CHCHD6: variants seen among roughly 807,000 people sequenced by gnomAD.
The protein encoded by CHCHD6 is MICOS complex subunit MIC25.
In CHCHD6, 28 loss-of-function variants were observed where a neutral mutation model predicts 32.3. The ratio of observed to expected loss-of-function variants is 0.87; its 90% CI spans 0.64 to 1.19. CHCHD6 has a LOEUF of 1.19. Ranked by LOEUF, CHCHD6 falls within the 50% of genes most tolerant of loss-of-function variation. The pLI is 0.00. For missense variants in CHCHD6, 333 were observed against 307.0 expected, an observed-to-expected ratio of 1.08 and a Z score of -0.63; for synonymous variants, 122 against 117.5, an observed-to-expected ratio of 1.04 and a Z score of -0.25.
At chr3:126,921,040 C>T (rs2078239249) in intron 6 of CHCHD6, among the ~76,000 whole-genome samples, 1 of 152,066 alleles carries the variant, frequency 6.6e-6, no homozygotes, top group Non-Finnish European at 1.5e-5. Context: ...GAGGTCCTAA[C>T]TTAGTTTTTG....
At chr3:126,760,190 G>A (rs1937109482) in intron 4 of CHCHD6, among the ~76,000 whole-genome samples, 3 of 152,268 alleles carry the variant, frequency 2.0e-5, no homozygotes, top group South Asian at 4.2e-4. Flanking sequence ...ACTATATCAG[G>A]TACCTGTTCC....
Position 126,925,510 on chromosome 3 carries a change from A to G in CHCHD6, c.566+10760A>G, listed in dbSNP as rs189189623. Among the ~76,000 whole-genome samples, 469 of 152,338 alleles carry G rather than the reference A, an allele frequency of 3.1e-3. 2 individuals carry two copies. Among genetic ancestry groups the G allele is most frequent in the Admixed American group, 5.3e-3 (81 of 15,298 alleles). On this transcript the variant is annotated intron_variant, in intron 6 of 7. Transcript: ENST00000290913. Reference sequence around the variant, plus strand: ...TCATCTTCCTGTGTAAATGTTTAAGAAAAGCAGCCATGTCACTCTGCACTA... The same window carrying G: ...TCATCTTCCTGTGTAAATGTTTAAGGAAAGCAGCCATGTCACTCTGCACTA...
intron 4 of CHCHD6, among the ~76,000 whole-genome samples, chr3:126,835,535 C>T (rs1940820909): frequency 6.6e-6 from 1 of 151,990 alleles, no homozygotes; most frequent in African/African-American, 2.4e-5. Flanking sequence ...CTGGCCGGCT[C>T]TGCTCAGTTC....
At chr3:126,909,295 T>A (rs1346853871) in intron 5 of CHCHD6, among the ~76,000 whole-genome samples, 1 of 152,140 alleles carries the variant, frequency 6.6e-6, no homozygotes, top group African/African-American at 2.4e-5. Context: ...GTTATGGGGG[T>A]TCCCCTCAGA....
chr3:126,757,776 G>C (rs923928954), intron 4 of CHCHD6, among the ~76,000 whole-genome samples: 5 of 152,168 alleles, frequency 3.3e-5, no homozygotes, highest in African/African-American at 1.2e-4. Context: ...GTACCACAGA[G>C]CTCTGGGAGT....
chr3:126,712,625 G>A (rs1030931817), intron 1 of CHCHD6, among the ~76,000 whole-genome samples: 1 of 152,138 alleles, frequency 6.6e-6, no homozygotes, highest in Non-Finnish European at 1.5e-5. Context: ...CCTGCTCTCC[G>A]CAGTGGCACT....
chr3:126,727,785 A>G (rs1400400156), intron 2 of CHCHD6, among the ~76,000 whole-genome samples: 1 of 152,178 alleles, frequency 6.6e-6, no homozygotes, highest in Non-Finnish European at 1.5e-5. Flanking sequence ...GCGTGTTGCA[A>G]ATGAAGAAAT....
intron 6 of CHCHD6, among the ~76,000 whole-genome samples, chr3:126,925,851 A>G (rs2078316655): frequency 6.6e-6 from 1 of 152,202 alleles, no homozygotes; most frequent in Non-Finnish European, 1.5e-5. Context: ...ATTTTTTTAA[A>G]TCATCATTTC....
chr3:126,806,657 A>T (rs1268911554), intron 4 of CHCHD6, among the ~76,000 whole-genome samples: 19 of 152,156 alleles, frequency 1.2e-4, no homozygotes, highest in African/African-American at 2.4e-4. Flanking sequence ...TCAGGGATCT[A>T]GAACTAGAAA....
chr3:126,880,713 G>A (rs1273703852), intron 5 of CHCHD6, among the ~76,000 whole-genome samples: 3 of 152,148 alleles, frequency 2.0e-5, no homozygotes, highest in African/African-American at 7.2e-5. Context: ...TAAAAGCCCA[G>A]CAAGAGGCAT....
intron 6 of CHCHD6, among the ~76,000 whole-genome samples, chr3:126,938,299 A>G (rs2078512121): frequency 6.6e-6 from 1 of 152,204 alleles, no homozygotes; most frequent in African/African-American, 2.4e-5. Flanking sequence ...CCTGAGTTCC[A>G]GTTCCAGACC....
chr3:126,848,133 A>G (rs186197568), intron 4 of CHCHD6, among the ~76,000 whole-genome samples: 94 of 152,200 alleles, frequency 6.2e-4, no homozygotes, highest in Non-Finnish European at 1.1e-3. Flanking sequence ...ACCATAGCCA[A>G]CTAACTTTTT....
Position 126,879,092 on chromosome 3 carries a change from G to T in CHCHD6, c.495+26362G>T, listed in dbSNP as rs544330227. Reference sequence around the variant, plus strand: ...TGGCCTCTCTAGGCTTCCACATTATGTGGTGGCTAGATTCCAAAAGCATGT... The same window carrying T: ...TGGCCTCTCTAGGCTTCCACATTATTTGGTGGCTAGATTCCAAAAGCATGT... On this transcript the variant is annotated intron_variant, in intron 5 of 7. Transcript: ENST00000290913. Among the ~76,000 whole-genome samples, 6 of 152,368 alleles carry T rather than the reference G, an allele frequency of 3.9e-5. No individual in the cohort carries two copies. In the East Asian group the frequency reaches 9.6e-4, roughly 24 times the overall value.
chr3:126,869,369 T>C (rs1458977833), intron 5 of CHCHD6, among the ~76,000 whole-genome samples: 1 of 151,526 alleles, frequency 6.6e-6, no homozygotes, highest in Non-Finnish European at 1.5e-5. Flanking sequence ...ACATTATGAT[T>C]ATTTTTATTT....
chr3:126,864,749 T>C (rs1455425663), intron 5 of CHCHD6, among the ~76,000 whole-genome samples: 3 of 97,114 alleles, frequency 3.1e-5, no homozygotes, highest in Admixed American at 9.9e-5. Flanking sequence ...TCCACCATCA[T>C]CTACTCCTCC....
At chr3:126,822,622 T>A (rs1307063477) in intron 4 of CHCHD6, among the ~76,000 whole-genome samples, 1 of 152,250 alleles carries the variant, frequency 6.6e-6, no homozygotes, top group Non-Finnish European at 1.5e-5. Flanking sequence ...AGCTGAGATT[T>A]TGATAGGAAA....
chr3:126,914,570 G>T, intron 5 of CHCHD6, 110 bp from the exon 6 acceptor site: 1 of 739,428 alleles, frequency 1.4e-6, no homozygotes. Context: ...AGTCGGCTTT[G>T]ATGCCCGTCA....
chr3:126,957,320 T>C, intron 6 of CHCHD6, 96 bp from the exon 7 acceptor site: 1 of 1,416,696 alleles, frequency 7.1e-7, no homozygotes. Context: ...GGACTTAGCC[T>C]AGCGCCTGGG....
intron 4 of CHCHD6, among the ~76,000 whole-genome samples, chr3:126,803,891 A>G (rs1939213354): frequency 6.6e-6 from 1 of 152,250 alleles, no homozygotes; most frequent in South Asian, 2.1e-4. Flanking sequence ...ATCAAACTAG[A>G]ACTCAGGATT....
Sources: gnomAD v4.1 joint callset for allele counts (sites outside exome capture counted in the v4.1 genomes callset) on GRCh38, gnomAD v4.1.1 for gene constraint, MANE v1.5 for transcripts, NCBI Gene and HGNC (gene_info 2026-07-23, HGNC 2026-07-21) for gene names.